PEAK1: variants seen among roughly 807,000 people sequenced by gnomAD.
PEAK1 encodes pseudopodium enriched atypical kinase 1.
A neutral mutation model predicts 124.7 loss-of-function variants in PEAK1; 54 were observed. That is an observed-to-expected ratio of 0.43 (90% CI 0.35 to 0.54). The LOEUF is 0.54. PEAK1 is among the 20% of genes least tolerant of loss of function. The probability of loss-of-function intolerance (pLI) is 0.01; values close to 1 mark genes in which losing one functional copy is unlikely to be tolerated. For missense variants in PEAK1, 2,046 were observed against 2,134.5 expected (o/e 0.96, Z 0.82); for synonymous variants, 719 against 760.0 (o/e 0.95, Z 0.89).
chr15:77,326,450 G>C (rs759282667), intron 2 of PEAK1, among the ~76,000 whole-genome samples: 2 of 152,046 alleles, frequency 1.3e-5, no homozygotes. Context: ...TAAAACATTC[G>C]TAAGAATGAG....
intron 6 of PEAK1, among the ~76,000 whole-genome samples, chr15:77,218,221 A>G (rs923558362): frequency 2.0e-5 from 3 of 152,204 alleles, no homozygotes; most frequent in Non-Finnish European, 4.4e-5. Flanking sequence ...ATCATCAAAG[A>G]TGAATATAAT....
At chr15:77,171,456 T>G (rs1162305936) in intron 7 of PEAK1, among the ~76,000 whole-genome samples, 1 of 152,018 alleles carries the variant, frequency 6.6e-6, no homozygotes, top group Non-Finnish European at 1.5e-5. Flanking sequence ...CTCACTCATA[T>G]GTGGAAGCTT....
intron 6 of PEAK1, among the ~76,000 whole-genome samples, chr15:77,200,576 A>G (rs2058316119): frequency 6.6e-6 from 1 of 152,204 alleles, no homozygotes; most frequent in Non-Finnish European, 1.5e-5. Flanking sequence ...ACTCTACTGA[A>G]AACCACCAAG....
At chr15:77,328,741 T>C (rs2065724752) in intron 2 of PEAK1, among the ~76,000 whole-genome samples, 1 of 152,074 alleles carries the variant, frequency 6.6e-6, no homozygotes, top group African/African-American at 2.4e-5. Context: ...CACAGAAAAG[T>C]GATGGAAAAA....
At chr15:77,163,264 C>T (rs1400081462) in intron 7 of PEAK1, among the ~76,000 whole-genome samples, 1 of 152,202 alleles carries the variant, frequency 6.6e-6, no homozygotes. Flanking sequence ...TGACCTAATA[C>T]TTAAAAAACC....
intron 2 of PEAK1, among the ~76,000 whole-genome samples, chr15:77,343,430 AAT>A (rs2066664490): frequency 6.6e-6 from 1 of 150,836 alleles, no homozygotes; most frequent in Admixed American, 6.6e-5. Flanking sequence ...TCACTCTGTT[AAT>A]AGTGTCCTTT....
chr15:77,126,134 C>T (rs1391137757), intron 9 of PEAK1, among the ~76,000 whole-genome samples: 4 of 152,088 alleles, frequency 2.6e-5, no homozygotes. Context: ...TAACTGTTAC[C>T]AGCTTGACAT....
intron 2 of PEAK1, among the ~76,000 whole-genome samples, chr15:77,362,274 T>C (rs1359851814): frequency 6.6e-6 from 1 of 152,142 alleles, no homozygotes; most frequent in African/African-American, 2.4e-5. Context: ...AATAACCCTA[T>C]CTGATCACTA....
intron 2 of PEAK1, among the ~76,000 whole-genome samples, chr15:77,294,031 G>A (rs1378199324): frequency 6.6e-6 from 1 of 152,126 alleles, no homozygotes; most frequent in African/African-American, 2.4e-5. Context: ...CTGCATTCAT[G>A]GAAGGAAAAA....
chr15:77,167,089 C>T (rs2056153759), intron 7 of PEAK1, among the ~76,000 whole-genome samples: 1 of 152,114 alleles, frequency 6.6e-6, no homozygotes, highest in South Asian at 2.1e-4. Flanking sequence ...TCACTGCCTT[C>T]CTCCTCCAGA....
chr15:77,252,140 C>T (rs1181345628), intron 6 of PEAK1, among the ~76,000 whole-genome samples: 5 of 152,234 alleles, frequency 3.3e-5, no homozygotes, highest in Admixed American at 2.6e-4. Flanking sequence ...TTTCCATATT[C>T]TTTCTCAAAT....
intron 6 of PEAK1, among the ~76,000 whole-genome samples, chr15:77,208,864 C>A (rs529549830): frequency 6.6e-6 from 1 of 152,168 alleles, no homozygotes; most frequent in African/African-American, 2.4e-5. Context: ...AAGTCATGAC[C>A]AATTATTAAA....
intron 5 of PEAK1, among the ~76,000 whole-genome samples, chr15:77,282,380 G>A (rs1047079145): frequency 3.3e-5 from 5 of 151,938 alleles, no homozygotes; most frequent in African/African-American, 7.3e-5. Flanking sequence ...TAATGCTAAC[G>A]AATTTGTCAA....
intron 7 of PEAK1, among the ~76,000 whole-genome samples, chr15:77,172,486 T>C (rs1265311645): frequency 1.3e-5 from 2 of 152,196 alleles, no homozygotes; most frequent in African/African-American, 4.8e-5. Flanking sequence ...CTTGAAGTAA[T>C]AGGTTTGTTT....
intron 2 of PEAK1, among the ~76,000 whole-genome samples, chr15:77,298,696 G>C (rs1348708548): frequency 6.6e-6 from 1 of 152,040 alleles, no homozygotes; most frequent in African/African-American, 2.4e-5. Flanking sequence ...CATAGTTTAG[G>C]GGTAGGAAAA....
At chr15:77,215,784 T>C (rs375375594) in intron 6 of PEAK1, among the ~76,000 whole-genome samples, 2 of 152,204 alleles carry the variant, frequency 1.3e-5, no homozygotes, top group African/African-American at 4.8e-5. Context: ...CCCCTGCACC[T>C]AGCCAATGAT....
chr15:77,355,655 C>T lies in PEAK1; in HGVS notation c.-603+9508G>A, dbSNP rs571602454. The T allele has an allele frequency of 7.7e-6, 5 of 645,714 alleles. No homozygotes were observed. The South Asian group carries it at 2.8e-4, about 36-fold the overall frequency. 40.0% of individuals were successfully genotyped at this position (645,714 alleles called of 1,614,324 possible). ...CCTCTATATGGCCCTCTATGAAGGG[C>T]TACAGACCTGGCATGGAAGAAGGCT... On this transcript the variant is annotated intron_variant, in intron 2 of 9. Transcript: ENST00000682557.
chr15:77,205,578 A>G (rs1340641837), intron 6 of PEAK1, among the ~76,000 whole-genome samples: 1 of 152,168 alleles, frequency 6.6e-6, no homozygotes, highest in African/African-American at 2.4e-5. Flanking sequence ...CCTTATCAGA[A>G]TTGTGTGCAC....
chr15:77,149,503 GAGT>G (rs2054420506), intron 8 of PEAK1, among the ~76,000 whole-genome samples: 1 of 152,086 alleles, frequency 6.6e-6, no homozygotes, highest in Non-Finnish European at 1.5e-5. Context: ...TTACTGAAAG[GAGT>G]AGTTTAAAAC....
Sources: allele counts gnomAD v4.1 joint callset (sites outside exome capture counted in the v4.1 genomes callset), GRCh38; gene constraint gnomAD v4.1.1; transcripts MANE v1.5; gene names NCBI Gene and HGNC (gene_info 2026-07-23, HGNC 2026-07-21).